The following TTN variants were observed in gnomAD, a reference collection of about 807,000 sequenced individuals.
TTN encodes connectin.
TTN carries 1,525 observed loss-of-function variants against 3,223.0 expected under a neutral mutation model. The observed-to-expected ratio is 0.47, with a 90% CI of 0.45 to 0.49. TTN has a LOEUF of 0.49. Among genes scored for constraint, TTN ranks in the 20% least tolerant of loss-of-function variants. The probability of loss-of-function intolerance (pLI) is 0.00; values close to 1 mark genes in which losing one functional copy is unlikely to be tolerated. For synonymous variants in TTN, 14,094 were observed against 15,161.0 expected, an observed-to-expected ratio of 0.93 and a Z score of 5.17; for missense variants, 40,786 against 43,424.0, an observed-to-expected ratio of 0.94 and a Z score of 5.40.
rs942590648 is a variant in TTN, at chr2:178,612,798, GTCACTGGGT to G, written c.49914_49922del (p.Glu16638_Ser16640del). The stretch of plus-strand genomic sequence containing the variant: ...ATAGCTTCTCCCGGCAAAGCACAGG[GTCACTGGGT>G]TCACTGGGTTCACTTTCCCCAGCCT... On this transcript the variant is annotated inframe_deletion, in exon 265 of 363. Transcript: ENST00000589042. The G allele has an allele frequency of 1.7e-5, 28 of 1,612,062 alleles. No individual in the cohort carries two copies. Among genetic ancestry groups the G allele is most frequent in the African/African-American group, 2.7e-5 (2 of 74,924 alleles).
rs772989389 is a variant in TTN at position 178,713,101 on chromosome 2, A to G, written c.27033T>C (p.Ala9011=). Residue 9011 remains alanine (A), a synonymous_variant, in exon 93 of 363, where the codon GCT becomes GCC. Transcript: ENST00000589042. ...TAAACTGACCTCTCACAGTCAAAGG[A>G]GCACTACATTCATCAGAACCAGCCA... ...TNMAGSDECS[A]PLTVREPPSF... is the part of the protein sequence containing the mutation. 6.2e-7 allele frequency: 1 copy of G among 1,613,174 alleles called. No homozygotes were observed. Among genetic ancestry groups the G allele is most frequent in the African/African-American group, 1.3e-5 (1 of 74,922 alleles).
rs775734528 is a variant in TTN at position 178,534,326 on chromosome 2, G to T, written c.102289C>A (p.Leu34097Met). The T allele has an allele frequency of 6.2e-7, 1 of 1,613,284 alleles. No individual in the cohort carries two copies. Among genetic ancestry groups the T allele is most frequent in the Admixed American group, 1.7e-5 (1 of 60,012 alleles). ...TLKHRRYYHT[L>M]IKKDLNMVVS... ...ACCATGTTGAGGTCTTTCTTGATCAGGGTGTGGTAATAACGCCGGTGTTTT... is the reference window on the plus strand; with the variant it reads ...ACCATGTTGAGGTCTTTCTTGATCATGGTGTGGTAATAACGCCGGTGTTTT... Residue 34097 changes from leucine (L) to methionine (M), a missense_variant, in exon 358 of 363, where the codon CTG becomes ATG. By Grantham distance (15) the Leu-to-Met change is conservative (BLOSUM62 2). Transcript: ENST00000589042.
At chr2:178,758,253 T>TA (rs1199476527) in intron 44 of TTN, among the ~76,000 whole-genome samples, 6 of 152,276 alleles carry the variant, frequency 3.9e-5, no homozygotes, top group Non-Finnish European at 8.8e-5. Context: ...ATTCATTATT[T>TA]AAAAAAACAT....
rs767374396 is a variant in TTN at position 178,733,735 on chromosome 2, A to G, written c.15654T>C (p.Phe5218=). The change falls in exon 53 of 363, where the codon TTT becomes TTC. Residue 5218 remains phenylalanine, a synonymous_variant. Coordinates refer to ENST00000589042, the MANE Select transcript of TTN (RefSeq NM_001267550.2). ...IREDGKIKMS[F]SNGVAVLIIP... ...TTATCAAGACTGCAACACCATTGGA[A>G]AAGCTCATTTTGATTTTTCCGTCTT... 3.7e-6 allele frequency: 6 copies of G among 1,613,900 alleles called. No individual in the cohort carries two copies. The South Asian group carries it at 6.6e-5, about 18-fold the overall frequency.
chr2:178,640,696 A>T, intron 220 of TTN, 66 bp from the exon 221 acceptor site: 1 of 1,309,146 alleles, frequency 7.6e-7, no homozygotes. Flanking sequence ...CATCTGAAAT[A>T]TCAATTTATT....
chr2:178,714,938 A>G, intron 90 of TTN, 48 bp downstream of exon 90: 1 of 1,563,798 alleles, frequency 6.4e-7, no homozygotes, highest in South Asian at 1.2e-5. Context: ...ACAGAGTATT[A>G]CAATTAGAAG....
Position 178,646,022 on chromosome 2 carries a change from G to T in TTN, c.40306C>A (p.Pro13436Thr). ...PEEIPVKEPEPEKVIEKPKLK... is the reference protein window; with the variant it reads ...PEEIPVKEPETEKVIEKPKLK... The stretch of plus-strand genomic sequence containing the variant: ...TTTGGCTTCTCAATAACCTTTTCAG[G>T]TTCAGGTTCTTGAAAGAGTATTTCA... The change falls in exon 217 of 363, where the codon CCT becomes ACT. Residue 13436 changes from proline (P) to threonine (T), a missense_variant. Physicochemically the swap from Pro to Thr is conservative, Grantham distance 38 (BLOSUM62 -1). Transcript: ENST00000589042. 6.4e-7 allele frequency: 1 copy of T among 1,551,320 alleles called. No homozygotes were observed. The highest frequency in any genetic ancestry group is 8.7e-7 in the Non-Finnish European group (1 of 1,153,890).
rs1321355074 is a variant in TTN, at chr2:178,547,980, C to T, written c.93646G>A (p.Asp31216Asn). Residue 31216 changes from aspartate (D) to asparagine (N), a missense_variant, in exon 339 of 363, where the codon GAC becomes AAC. By Grantham distance (23) the Asp-to-Asn change is conservative. Coordinates refer to ENST00000589042, the MANE Select transcript of TTN (RefSeq NM_001267550.2). ...IKEPQIEPTA[D>N]LTGITNQLIT... ...AGCTGATTGGTAATTCCAGTGAGGT[C>T]AGCAGTGGGCTCGATTTGAGGCTCC... 18 of 1,613,624 alleles carry T rather than the reference C, an allele frequency of 1.1e-5. No individual in the cohort carries two copies. The Middle Eastern group carries it at 5.0e-4, about 44-fold the overall frequency.
At chr2:178,738,403 G>A in intron 48 of TTN, 43 bp from the exon 49 acceptor site, 10 of 1,547,050 alleles carry the variant, frequency 6.5e-6, no homozygotes, top group Non-Finnish European at 8.7e-6. Flanking sequence ...TCCTTATCAG[G>A]CATATGACAT....
chr2:178,544,560 G>T, intron 344 of TTN, 54 bp from the exon 345 acceptor site: 2 of 1,481,056 alleles, frequency 1.4e-6, no homozygotes, highest in Non-Finnish European at 1.8e-6. Context: ...GAAATGTTGA[G>T]ATTTGTATTT....
rs776167958 is a variant in TTN at position 178,575,367 on chromosome 2, C to G, written c.70765G>C (p.Glu23589Gln). ...WTHITTVKGL[E>Q]CVVRNLTEGE... is the part of the protein sequence containing the mutation. ...TCAGTTAGATTCCTCACAACACATT[C>G]TAACCCTTTCACGGTTGTGATGTGG... is the stretch of plus-strand genomic sequence containing the variant. Residue 23589 changes from glutamate to glutamine, a missense_variant, in exon 326 of 363, where the codon GAA becomes CAA. Physicochemically the swap from Glu to Gln is conservative, Grantham distance 29. Transcript: ENST00000589042. The surrounding 1 kb of genome is among the most constrained non-coding windows in gnomAD (Gnocchi z 4.0). 1 of 1,613,506 alleles carries G rather than the reference C, an allele frequency of 6.2e-7. No homozygotes were observed. The highest frequency in any genetic ancestry group is 8.5e-7 in the Non-Finnish European group (1 of 1,179,678).
chr2:178,712,194 C>T lies in TTN; in HGVS notation c.27636G>A (p.Glu9212=). 2 of 1,613,442 alleles carry T rather than the reference C, an allele frequency of 1.2e-6. No individual in the cohort carries two copies. The highest frequency in any genetic ancestry group is 1.7e-6 in the Non-Finnish European group (2 of 1,179,574). The change falls in exon 96 of 363, where the codon GAG becomes GAA. Residue 9212 remains glutamate (E), a synonymous_variant. Coordinates refer to ENST00000589042, the MANE Select transcript of TTN (RefSeq NM_001267550.2). Reference sequence around the variant, plus strand: ...AATCTCCAACAGACACCTTAACCGGCTCCAACTGCTTGACAAAATACGGTG... The same window carrying T: ...AATCTCCAACAGACACCTTAACCGGTTCCAACTGCTTGACAAAATACGGTG... The part of the protein sequence containing the change: ...LEPPYFVKQL[E]PVKVSVGDSA...
At position 178,639,715 on chromosome 2, in the gene TTN, C is replaced by T. The variant is rs1193874439; in HGVS notation, c.40860G>A (p.Val13620=). 6.2e-7 allele frequency: 1 copy of T among 1,611,520 alleles called. No individual in the cohort carries two copies. Among genetic ancestry groups the T allele is most frequent in the Non-Finnish European group, 8.5e-7 (1 of 1,178,576 alleles). The change falls in exon 223 of 363, where the codon GTG becomes GTA. Residue 13620 remains valine (V), a synonymous_variant. Transcript: ENST00000589042. The part of the protein sequence containing the change: ...TPIAAPVTVP[V]VGKKAEAKAP... The stretch of plus-strand genomic sequence containing the variant: ...GATAAATACCTGCTTTCTTTCCAAC[C>T]ACTGGCACTGTTACTGGGGCAGCGA...
chr2:178,672,428 C>T lies in TTN; in HGVS notation c.34909G>A (p.Glu11637Lys). The T allele has an allele frequency of 6.2e-7, 1 of 1,600,612 alleles. No homozygotes were observed. The highest frequency in any genetic ancestry group is 8.5e-7 in the Non-Finnish European group (1 of 1,176,370). Residue 11637 changes from glutamate to lysine, a missense_variant, in exon 154 of 363, where the codon GAA becomes AAA. Coordinates refer to ENST00000589042, the MANE Select transcript of TTN (RefSeq NM_001267550.2). Reference sequence around the variant, plus strand: ...ATACCTTTAGCTGGGGGAACAGCTTCCTTTTTAGGCACAAGGACTTTCTTT... The same window carrying T: ...ATACCTTTAGCTGGGGGAACAGCTTTCTTTTTAGGCACAAGGACTTTCTTT... ...PEKKVLVPKK[E>K]AVPPAKGRTV...
rs1231839154 is a variant in TTN at position 178,550,225 on chromosome 2, A to G, written c.91613T>C (p.Ile30538Thr). ...AATTCTAAGGCTCTCTCCGGACTTA[A>G]TAATGAGACCATCAAAGTATTCAGG... ...FGPEYFDGLI[I>T]KSGESLRIKA... The change falls in exon 337 of 363, where the codon ATT (isoleucine) becomes ACT (threonine). Residue 30538 changes from isoleucine to threonine, a missense_variant. Physicochemically the swap from Ile to Thr is moderately conservative, Grantham distance 89. Coordinates refer to ENST00000589042, the MANE Select transcript of TTN (RefSeq NM_001267550.2). 1 of 1,613,532 alleles carries G rather than the reference A, an allele frequency of 6.2e-7. No individual in the cohort carries two copies. The highest frequency in any genetic ancestry group is 8.5e-7 in the Non-Finnish European group (1 of 1,179,632).
At chr2:178,639,896 T>C in intron 222 of TTN, 108 bp from the exon 223 acceptor site, 1 of 1,430,194 alleles carries the variant, frequency 7.0e-7, no homozygotes. Flanking sequence ...TTCAAATAAC[T>C]AGTTTTTAAG....
intron 6 of TTN, among the ~76,000 whole-genome samples, chr2:178,796,485 C>T (rs921440136): frequency 6.6e-6 from 1 of 152,126 alleles, no homozygotes; most frequent in South Asian, 2.1e-4. Flanking sequence ...TTTATTTTCT[C>T]GAAGAATGGC....
rs755974993 is a variant in TTN, at chr2:178,547,844, C to T, written c.93782G>A (p.Arg31261Gln). ...LEEMRLKETD[R>Q]VSITTTKDRT... The stretch of plus-strand genomic sequence containing the variant: ...GTCTTTTGTTGTTGTAATGCTCACT[C>T]GATCTGTCTCTTTAAGTCTCATTTC... Residue 31261 changes from arginine to glutamine, a missense_variant, in exon 339 of 363, where the codon CGA becomes CAA. Transcript: ENST00000589042. 7 of 1,613,880 alleles carry T rather than the reference C, an allele frequency of 4.3e-6. No individual in the cohort carries two copies. The highest frequency in any genetic ancestry group is 1.1e-5 in the South Asian group (1 of 91,086).
intron 49 of TTN, among the ~76,000 whole-genome samples, chr2:178,736,978 C>T (rs2081568131): frequency 6.6e-6 from 1 of 152,058 alleles, no homozygotes; most frequent in East Asian, 1.9e-4. Context: ...ACAAAGAAGA[C>T]CAAGGGACAG....
Sources: allele counts gnomAD v4.1 joint callset (sites outside exome capture counted in the v4.1 genomes callset), GRCh38; gene constraint gnomAD v4.1.1; non-coding constraint Gnocchi (gnomAD v3.1); transcripts MANE v1.5; gene names NCBI Gene and HGNC (gene_info 2026-07-23, HGNC 2026-07-21).